Variants in LDLRAD3 observed in about 807,000 individuals in gnomAD.
The protein encoded by LDLRAD3 is low-density lipoprotein receptor class A domain-containing protein 3.
Under a neutral mutation model 29.4 loss-of-function variants are expected in LDLRAD3, and 20 were observed. The ratio of observed to expected loss-of-function variants is 0.68; its 90% confidence interval spans 0.48 to 0.99. The LOEUF is 0.99. Ranked by LOEUF, LDLRAD3 falls within the 50% of genes least tolerant of loss-of-function variation. The probability of loss-of-function intolerance (pLI) is 0.00; values close to 1 mark genes in which losing one functional copy is unlikely to be tolerated. For synonymous variants in LDLRAD3, 157 were observed against 192.7 expected, an observed-to-expected ratio of 0.81 and a Z score of 1.53; for missense variants, 420 against 454.3, an observed-to-expected ratio of 0.92 and a Z score of 0.69.
chr11:35,945,364 A>C (rs1216755277), intron 1 of LDLRAD3, among the ~76,000 whole-genome samples: 1 of 152,214 alleles, frequency 6.6e-6, no homozygotes, highest in African/African-American at 2.4e-5. Context: ...CCCACTGGGC[A>C]GCCTTTCCTG....
rs908148541 is a variant in LDLRAD3, at chr11:36,183,768, G to A, written c.455-43317G>A. On this transcript the variant is annotated intron_variant, in intron 4 of 5. Coordinates refer to ENST00000315571, the MANE Select transcript of LDLRAD3 (RefSeq NM_174902.4). ...CTCAATCCATATCTGTTAACCTCTC[G>A]TCCATATTTTCTCTTTTTGTGTCTC... Among the ~76,000 whole-genome samples, 8 of 151,986 alleles carry A rather than the reference G, an allele frequency of 5.3e-5. No individual in the cohort carries two copies. In the East Asian group the frequency reaches 5.8e-4, roughly 11 times the overall value.
At chr11:36,223,063 T>C (rs182961948) in intron 4 of LDLRAD3, among the ~76,000 whole-genome samples, 12 of 152,316 alleles carry the variant, frequency 7.9e-5, no homozygotes, top group Non-Finnish European at 7.4e-5. Flanking sequence ...AACTCTGATA[T>C]TAGTAATTTG....
rs967539880 is a variant in LDLRAD3 at position 36,230,890 on chromosome 11, G to A, written c.*1493G>A. The A allele has an allele frequency of 6.6e-6, 1 of 152,368 alleles. No homozygotes were observed. The highest frequency in any genetic ancestry group is 1.5e-5 in the Non-Finnish European group (1 of 67,966). The allele number at this position is 152,368 out of a possible 1,614,324, so 9.4% of individuals were successfully genotyped here. On this transcript the variant is annotated 3_prime_UTR_variant, in exon 6 of 6. Coordinates refer to ENST00000315571, the MANE Select transcript of LDLRAD3 (RefSeq NM_174902.4). ...TGAGGTTATTATTTATCAAGTTCTT[G>A]AAGGAAGCAGAAAGAGGGACTCCTC...
At chr11:36,078,318 A>G (rs1198815595) in intron 2 of LDLRAD3, among the ~76,000 whole-genome samples, 1 of 152,110 alleles carries the variant, frequency 6.6e-6, no homozygotes, top group African/African-American at 2.4e-5. Flanking sequence ...GCTGCCTTTC[A>G]TGGTGCCCAG....
chr11:36,081,930 G>T lies in LDLRAD3; in HGVS notation c.319+152G>T, dbSNP rs568425820. ...GATTCTGTTCTTCCCTACTTCTTGTGTAAATCTGTAAATGTTCAGCCACCA... is the reference window on the plus strand; with the variant it reads ...GATTCTGTTCTTCCCTACTTCTTGTTTAAATCTGTAAATGTTCAGCCACCA... On this transcript the variant is annotated intron_variant, in intron 3 of 5. Transcript: ENST00000315571. The T allele has an allele frequency of 2.0e-4, 187 of 921,466 alleles. 1 individual carries two copies. The highest frequency in any genetic ancestry group is 1.2e-3 in the Middle Eastern group (4 of 3,262). The allele number at this position is 921,466 out of a possible 1,614,324, so 57.1% of individuals were successfully genotyped here.
Position 36,231,572 on chromosome 11 carries a change from T to C in LDLRAD3, c.*2175T>C, listed in dbSNP as rs1855576254. The C allele has an allele frequency of 6.6e-6, 1 of 152,228 alleles. No individual in the cohort carries two copies. The highest frequency in any genetic ancestry group is 2.4e-5 in the African/African-American group (1 of 41,450). 9.4% of individuals were successfully genotyped at this position (152,228 alleles called of 1,614,324 possible). ...TAATTAATTGCGCAGTGAGTTAATC[T>C]CACTCGCTTTTCTGCTTCCAGGCAT... On this transcript the variant is annotated 3_prime_UTR_variant, in exon 6 of 6. Transcript: ENST00000315571.
intron 1 of LDLRAD3, among the ~76,000 whole-genome samples, chr11:35,945,624 T>A (rs1240448239): frequency 6.6e-6 from 1 of 151,852 alleles, no homozygotes; most frequent in Non-Finnish European, 1.5e-5. Flanking sequence ...TCTACAGATA[T>A]GAAGACCTGT....
intron 3 of LDLRAD3, among the ~76,000 whole-genome samples, chr11:36,083,215 C>T (rs1329835255): frequency 6.6e-6 from 1 of 152,192 alleles, no homozygotes; most frequent in Non-Finnish European, 1.5e-5. Context: ...TGGTGTTGAA[C>T]ATTCTATGGA....
At chr11:36,101,720 C>T (rs571329651) in intron 4 of LDLRAD3, among the ~76,000 whole-genome samples, 2 of 152,160 alleles carry the variant, frequency 1.3e-5, no homozygotes, top group South Asian at 2.1e-4. Context: ...ATGTCCAAAC[C>T]GACTAACTCA....
intron 4 of LDLRAD3, among the ~76,000 whole-genome samples, chr11:36,107,175 G>A (rs965724004): frequency 7.9e-5 from 12 of 151,908 alleles, no homozygotes; most frequent in South Asian, 6.3e-4. Context: ...CTCAGGAAAT[G>A]TCTGTCTGTA....
intron 4 of LDLRAD3, among the ~76,000 whole-genome samples, chr11:36,199,003 C>A (rs11033488): frequency 0.29 from 44,268 of 152,044 alleles, 6,620 homozygotes; most frequent in African/African-American, 0.36. Context: ...GGGGTTCACC[C>A]CATTCTCCTG....
In LDLRAD3 at chr11:36,170,330, G is replaced by GTATATATGTATGTATA. The variant is rs1565276200; in HGVS notation, c.455-56753_455-56752insTATATGTATGTATATA. On this transcript the variant is annotated intron_variant, in intron 4 of 5. Coordinates refer to ENST00000315571, the MANE Select transcript of LDLRAD3 (RefSeq NM_174902.4). Reference sequence around the variant, plus strand: ...CATATATACGTATATATGTATATATGTACGTATATACGTATATATACATAT... The same window carrying GTATATATGTATGTATA: ...CATATATACGTATATATGTATATATGTATATATGTATGTATATACGTATATACGTATATATACATAT... Among the ~76,000 whole-genome samples the GTATATATGTATGTATA allele has an allele frequency of 5.5e-4, 80 of 146,400 alleles. 1 individual carries two copies. The South Asian group carries it at 7.7e-3, about 14-fold the overall frequency.
At position 35,967,407 on chromosome 11, in the gene LDLRAD3, G is replaced by A. The variant is rs978722668; in HGVS notation, c.46+23263G>A. On this transcript the variant is annotated intron_variant, in intron 1 of 5. Coordinates refer to ENST00000315571, the MANE Select transcript of LDLRAD3 (RefSeq NM_174902.4). ...TGGTGCCTTGCAGCACTGTTGATGG[G>A]TAATGTCCTTACTCCTTCAGCCATT... is the stretch of plus-strand genomic sequence containing the variant. The A allele has an allele frequency of 2.0e-5, 6 of 292,976 alleles. No individual in the cohort carries two copies. In the Admixed American group the frequency reaches 3.0e-4, roughly 14 times the overall value. The allele number at this position is 292,976 out of a possible 1,614,324, so 18.1% of individuals were successfully genotyped here.
chr11:36,144,800 G>A (rs1282087688), intron 4 of LDLRAD3, among the ~76,000 whole-genome samples: 1 of 127,918 alleles, frequency 7.8e-6, no homozygotes, highest in East Asian at 2.3e-4. Flanking sequence ...GTCCGGGAGG[G>A]AGGTGGGGGG....
intron 1 of LDLRAD3, among the ~76,000 whole-genome samples, chr11:35,976,838 G>A (rs1235782992): frequency 1.3e-5 from 2 of 152,116 alleles, no homozygotes; most frequent in Non-Finnish European, 2.9e-5. Context: ...GTGATTTAAG[G>A]TGTGTGTTTG....
intron 4 of LDLRAD3, among the ~76,000 whole-genome samples, chr11:36,180,367 G>T (rs1190646846): frequency 2.6e-5 from 4 of 152,104 alleles, no homozygotes; most frequent in African/African-American, 9.7e-5. Context: ...CTGCCCTGTG[G>T]CAGATTCTGT....
intron 1 of LDLRAD3, among the ~76,000 whole-genome samples, chr11:35,964,103 C>A (rs150426976): frequency 1.3e-5 from 2 of 152,052 alleles, no homozygotes. Context: ...ATTTGGGAAG[C>A]CATAAGTATT....
intron 4 of LDLRAD3, among the ~76,000 whole-genome samples, chr11:36,146,334 A>C (rs935028146): frequency 6.6e-6 from 1 of 152,238 alleles, no homozygotes; most frequent in African/African-American, 2.4e-5. Context: ...AGAGATGGCA[A>C]ACTTTTTGTA....
At chr11:36,008,817 G>A (rs1307695694) in intron 1 of LDLRAD3, among the ~76,000 whole-genome samples, 1 of 152,182 alleles carries the variant, frequency 6.6e-6, no homozygotes, top group African/African-American at 2.4e-5. Context: ...GTACTGCCTT[G>A]TTTTCCTTGT....
Sources: allele counts gnomAD v4.1 joint callset (sites outside exome capture counted in the v4.1 genomes callset), GRCh38; gene constraint gnomAD v4.1.1; transcripts MANE v1.5; gene names NCBI Gene and HGNC (gene_info 2026-07-23, HGNC 2026-07-21).